Variants in PSME4 observed in about 807,000 individuals in gnomAD.
The protein encoded by PSME4 is proteasome activator subunit 4.
PSME4 carries 89 observed loss-of-function variants against 253.9 expected under a neutral mutation model. The observed-to-expected ratio is 0.35, with a 90% CI of 0.30 to 0.42. The LOEUF (loss-of-function observed/expected upper bound fraction) is 0.42. Ranked by LOEUF, PSME4 falls within the 10% of genes least tolerant of loss-of-function variation. PSME4 has a pLI of 1.00. For synonymous variants in PSME4, 851 were observed against 759.2 expected (o/e 1.12, Z -1.99); for missense variants, 2,014 against 2,195.2 (o/e 0.92, Z 1.65).
chr2:53,869,484 TA>T lies in PSME4; in HGVS notation c.5154del (p.Thr1719ProfsTer29). On this transcript the variant is annotated frameshift_variant, in exon 44 of 47. Transcript: ENST00000404125. LOFTEE classifies it high-confidence loss of function. The part of the protein sequence containing the change: ...TLSGLLQCNF[L>X]TMDSPMQIHF... ...TGAATCTGCATAGGACTGTCCATGG[TA>T]AGAAAGTTACACTGTAGCAGACCGC... 6.3e-7 allele frequency: 1 copy of T among 1,593,350 alleles called. No individual in the cohort carries two copies. The highest frequency in any genetic ancestry group is 1.1e-5 in the South Asian group (1 of 88,084).
At chr2:53,960,750 G>A (rs150228687) in intron 1 of PSME4, among the ~76,000 whole-genome samples, 202 of 152,302 alleles carry the variant, frequency 1.3e-3, no homozygotes, top group African/African-American at 4.6e-3. Flanking sequence ...CTTCAGTGGG[G>A]CTCTGGGTAC....
intron 12 of PSME4, among the ~76,000 whole-genome samples, chr2:53,926,542 ATGT>A (rs559385473): frequency 5.8e-4 from 89 of 152,218 alleles, no homozygotes; most frequent in Middle Eastern, 3.4e-3. Context: ...TTAGCCAGGC[ATGT>A]TGGCACACGC....
chr2:53,928,196 G>A lies in PSME4; in HGVS notation c.1424C>T (p.Pro475Leu). The change falls in exon 11 of 47, where the codon CCT (proline) becomes CTT (leucine). Residue 475 changes from proline to leucine, a missense_variant. This residue lies in a region of PSME4 where 615 missense variants were observed against 594.4 expected (regional missense o/e 1.03). Transcript: ENST00000404125. ...RSLVSGGRWFPEGPTHMLPLL... is the reference protein window; with the variant it reads ...RSLVSGGRWFLEGPTHMLPLL... ...AGGTAGCATATGTGTAGGACCTTCA[G>A]GAAACCATCTGCCTCCTGATACCAA... The A allele has an allele frequency of 1.2e-6, 2 of 1,614,066 alleles. No homozygotes were observed. The highest frequency in any genetic ancestry group is 1.7e-6 in the Non-Finnish European group (2 of 1,180,004).
rs375777670 is a variant in PSME4 at position 53,913,240 on chromosome 2, A to G, written c.2517-3110T>C. Among the ~76,000 whole-genome samples the G allele has an allele frequency of 2.0e-4, 30 of 152,290 alleles. 1 individual carries two copies. The highest frequency in any genetic ancestry group is 7.0e-4 in the African/African-American group (29 of 41,568). On this transcript the variant is annotated intron_variant, in intron 20 of 46. Transcript: ENST00000404125. The stretch of plus-strand genomic sequence containing the variant: ...CTAACATATAGTAAAATGTATTAAA[A>G]TATTTGTACCACTAAAAAAGGACCT...
intron 1 of PSME4, among the ~76,000 whole-genome samples, chr2:53,954,365 C>T (rs549014736): frequency 1.9e-4 from 29 of 151,884 alleles, no homozygotes; most frequent in African/African-American, 6.5e-4. Context: ...GTGGGCTAGG[C>T]GCCATGGCTC....
At chr2:53,887,141 A>G in intron 40 of PSME4, 118 bp downstream of exon 40, 1 of 912,484 alleles carries the variant, frequency 1.1e-6, no homozygotes, top group East Asian at 2.6e-5. Context: ...AAAATGGTTA[A>G]AACAGTAAAT....
In PSME4 at chr2:53,896,844, T is replaced by C. The variant is rs1439554248; in HGVS notation, c.3648A>G (p.Lys1216=). The part of the protein sequence containing the change: ...SAVAGILKQL[K]RTHKKLTINP... ...TAATGGTCAGCTTTTTGTGGGTTCTTTTTAGCTGTTTAAGGATACCAGCAA... is the reference window on the plus strand; with the variant it reads ...TAATGGTCAGCTTTTTGTGGGTTCTCTTTAGCTGTTTAAGGATACCAGCAA... The change falls in exon 32 of 47, where the codon AAA becomes AAG. Residue 1216 remains lysine, a synonymous_variant. Coordinates refer to ENST00000404125, the MANE Select transcript of PSME4 (RefSeq NM_014614.3). 1.2e-6 allele frequency: 2 copies of C among 1,612,416 alleles called. No individual in the cohort carries two copies. The highest frequency in any genetic ancestry group is 2.2e-5 in the South Asian group (2 of 91,050).
intron 26 of PSME4, among the ~76,000 whole-genome samples, 186 bp from the exon 27 acceptor site, chr2:53,904,342 T>C (rs542896117): frequency 2.0e-5 from 3 of 152,236 alleles, no homozygotes; most frequent in African/African-American, 4.8e-5. Flanking sequence ...GAAAGCACAA[T>C]ACCACCGACC....
intron 28 of PSME4, 31 bp downstream of exon 28, chr2:53,901,318 TA>T: frequency 1.3e-6 from 2 of 1,561,204 alleles, no homozygotes; most frequent in Non-Finnish European, 1.8e-6. Context: ...GGATTTACAC[TA>T]AAACTTGAAT....
rs113436363 is a variant in PSME4, at chr2:53,941,098, T to C, written c.501-1098A>G. Among the ~76,000 whole-genome samples, 974 of 142,424 alleles carry C rather than the reference T, an allele frequency of 6.8e-3. 22 individuals carry two copies. Among genetic ancestry groups the C allele is most frequent in the African/African-American group, 0.024 (925 of 38,618 alleles). The allele number at this position is 142,424 out of a possible 152,430, so 93.4% of individuals were successfully genotyped here. ...GAAGTCTATCCAACTTCTCTGAAAG[T>C]TTAGGAACTAATCTGCAAAGAAATT... On this transcript the variant is annotated intron_variant, in intron 3 of 46. Coordinates refer to ENST00000404125, the MANE Select transcript of PSME4 (RefSeq NM_014614.3).
Position 53,904,014 on chromosome 2 carries a change from A to G in PSME4, c.3075+11T>C. 1 of 1,583,914 alleles carries G rather than the reference A, an allele frequency of 6.3e-7. No homozygotes were observed. Among genetic ancestry groups the G allele is most frequent in the Non-Finnish European group, 8.6e-7 (1 of 1,168,212 alleles). On this transcript the variant is annotated intron_variant, in intron 27 of 46. Coordinates refer to ENST00000404125, the MANE Select transcript of PSME4 (RefSeq NM_014614.3). ...AAATGTTTACAGTAAAATAGGAAAA[A>G]AACCCTATACCTTGAATTGTTGCTG...
intron 41 of PSME4, chr2:53,881,470 C>CT (rs1306106394): frequency 5.3e-5 from 8 of 152,172 alleles, no homozygotes; most frequent in Non-Finnish European, 1.0e-4. Context: ...GTGCTTTCTG[C>CT]TTTACAGGTA....
chr2:53,923,633 T>C (rs1050980816), intron 14 of PSME4, among the ~76,000 whole-genome samples: 1 of 152,166 alleles, frequency 6.6e-6, no homozygotes, highest in Non-Finnish European at 1.5e-5. Context: ...CAAAATATTT[T>C]AGGTACTGGC....
chr2:53,965,390 C>A (rs1305043868), intron 1 of PSME4, among the ~76,000 whole-genome samples: 1 of 151,830 alleles, frequency 6.6e-6, no homozygotes, highest in Non-Finnish European at 1.5e-5. Context: ...TGCCACCATA[C>A]CAGCCTAAAT....
chr2:53,896,530 C>A (rs1680146340), intron 32 of PSME4, among the ~76,000 whole-genome samples: 1 of 152,136 alleles, frequency 6.6e-6, no homozygotes, highest in African/African-American at 2.4e-5. Context: ...AAATTAATAA[C>A]AGCAATTTAA....
At chr2:53,905,480 C>T (rs987978366) in intron 26 of PSME4, among the ~76,000 whole-genome samples, 3 of 152,070 alleles carry the variant, frequency 2.0e-5, no homozygotes, top group South Asian at 2.1e-4. Flanking sequence ...GCAGGCAGAT[C>T]GCTTGAGCCC....
intron 1 of PSME4, among the ~76,000 whole-genome samples, chr2:53,952,071 T>A (rs1364829582): frequency 2.7e-5 from 4 of 147,328 alleles, no homozygotes; most frequent in Non-Finnish European, 5.9e-5. Context: ...TGGAACACAT[T>A]TTTAAGATAA....
At chr2:53,906,508 T>C in intron 26 of PSME4, 90 bp downstream of exon 26, 1 of 1,393,820 alleles carries the variant, frequency 7.2e-7, no homozygotes, top group African/African-American at 1.5e-5. Flanking sequence ...TGGGTGAAAT[T>C]ATTTAAACTC....
intron 29 of PSME4, among the ~76,000 whole-genome samples, chr2:53,899,593 A>G (rs1185749965): frequency 1.3e-5 from 2 of 151,728 alleles, no homozygotes; most frequent in Admixed American, 1.3e-4. Context: ...CGAGGTGGGC[A>G]GATCACTTGA....
Sources: gnomAD v4.1 joint callset for allele counts (sites outside exome capture counted in the v4.1 genomes callset) on GRCh38, gnomAD v4.1.1 for gene constraint, gnomAD v4.1.1 regional missense constraint, MANE v1.5 for transcripts, NCBI Gene and HGNC (gene_info 2026-07-23, HGNC 2026-07-21) for gene names.